The following CD160 variants were observed in gnomAD, a reference collection of about 807,000 sequenced individuals.
CD160 encodes the protein CD160 antigen.
In CD160, 11 loss-of-function variants were observed where a neutral mutation model predicts 19.2. The observed-to-expected ratio is 0.57, with a 90% CI of 0.36 to 0.95. The LOEUF (loss-of-function observed/expected upper bound fraction) is 0.95, where lower values mean the gene tolerates loss of function less well. CD160 is among the 40% of genes least tolerant of loss of function. CD160 has a pLI of 0.01. For missense variants in CD160, 182 were observed against 213.2 expected, an observed-to-expected ratio of 0.85 and a Z score of 0.91; for synonymous variants, 75 against 81.1, an observed-to-expected ratio of 0.93 and a Z score of 0.40.
chr1:145,726,583 G>T lies in CD160; in HGVS notation c.-72-1673G>T, dbSNP rs587649746. Among the ~76,000 whole-genome samples, 4 of 152,260 alleles carry T rather than the reference G, an allele frequency of 2.6e-5. No homozygotes were observed. The South Asian group carries it at 8.3e-4, about 32-fold the overall frequency. Reference sequence around the variant, plus strand: ...ACATCACACACCGATGACGTTCCACGGGTGGGGGCCCGGGGGAGGGATAGC... The same window carrying T: ...ACATCACACACCGATGACGTTCCACTGGTGGGGGCCCGGGGGAGGGATAGC... On this transcript the variant is annotated intron_variant, in intron 2 of 5. Transcript: ENST00000369288.
chr1:145,721,461 C>T (rs1553707785), intron 1 of CD160, among the ~76,000 whole-genome samples: 1 of 152,182 alleles, frequency 6.6e-6, no homozygotes, highest in East Asian at 1.9e-4. Context: ...CGCTGCCCCC[C>T]AGCGCTGGTG....
chr1:145,727,553 T>C (rs1016218894), intron 2 of CD160, among the ~76,000 whole-genome samples: 5 of 152,106 alleles, frequency 3.3e-5, no homozygotes, highest in Admixed American at 6.5e-5. Context: ...AAGATAGATA[T>C]GTTGTATTTA....
At chr1:145,723,549 C>T (rs1656932036) in intron 1 of CD160, among the ~76,000 whole-genome samples, 1 of 152,100 alleles carries the variant, frequency 6.6e-6, no homozygotes, top group Non-Finnish European at 1.5e-5. Context: ...ATTTATTCAA[C>T]CATTCTCACC....
chr1:145,722,350 TAC>T (rs1404692984), intron 1 of CD160, among the ~76,000 whole-genome samples: 2 of 152,254 alleles, frequency 1.3e-5, no homozygotes, highest in African/African-American at 4.8e-5. Flanking sequence ...TGCCCAATAT[TAC>T]ACAGATAGTT....
chr1:145,729,407 G>A (rs80035484), intron 3 of CD160, among the ~76,000 whole-genome samples: 3,915 of 152,296 alleles, frequency 0.026, 186 homozygotes, highest in African/African-American at 0.089. Flanking sequence ...AGCATCTGCC[G>A]GATGAGTTTT....
rs587649355 is a variant in CD160, at chr1:145,732,770, G to A, written c.400+1700G>A. 1.4e-4 allele frequency among the ~76,000 whole-genome samples: 22 copies of A among 152,216 alleles called. No individual in the cohort carries two copies. In the South Asian group the frequency reaches 3.7e-3, roughly 26 times the overall value. On this transcript the variant is annotated intron_variant, in intron 4 of 5. Coordinates refer to ENST00000369288, the MANE Select transcript of CD160 (RefSeq NM_007053.4). ...GAAACATAGCGCACAACTTGATTTTGCAAAAAATAACACAGAATCCAAATT... is the reference window on the plus strand; with the variant it reads ...GAAACATAGCGCACAACTTGATTTTACAAAAAATAACACAGAATCCAAATT...
rs782478655 is a variant in CD160 at position 145,737,375 on chromosome 1, TCAC to T, written c.539-1106_539-1104del. On this transcript the variant is annotated intron_variant, in intron 5 of 5. Transcript: ENST00000369288. The stretch of plus-strand genomic sequence containing the variant: ...ATATGCAAAGCACCTCTTACATCCT[TCAC>T]CACCCCATTCATTCTGAGATTGACT... 5.3e-5 allele frequency: 8 copies of T among 152,334 alleles called. No homozygotes were observed. In the Middle Eastern group the frequency reaches 0.01, roughly 194 times the overall value. 9.4% of individuals were successfully genotyped at this position (152,334 alleles called of 1,614,324 possible). A position where few individuals can be genotyped will look rare whatever the true frequency, so the allele number is the denominator to read the frequency against.
At chr1:145,727,651 C>G (rs912970491) in intron 2 of CD160, among the ~76,000 whole-genome samples, 1 of 151,848 alleles carries the variant, frequency 6.6e-6, no homozygotes, top group African/African-American at 2.4e-5. Context: ...AAAGTATTTG[C>G]CTAAAAAAAT....
rs782132161 is a variant in CD160 at position 145,728,396 on chromosome 1, T to A, written c.69T>A (p.Ser23=). The A allele has an allele frequency of 8.7e-6, 14 of 1,609,490 alleles. No individual in the cohort carries two copies. The highest frequency in any genetic ancestry group is 1.7e-5 in the Admixed American group (1 of 59,956). Residue 23 remains serine, a synonymous_variant, in exon 3 of 6, where the codon TCT becomes TCA. Coordinates refer to ENST00000369288, the MANE Select transcript of CD160 (RefSeq NM_007053.4). ...TGCTGGCAATTGTGGACATCCAGTC[T>A]GGTGGTGAGGATAGACCCTAGAGCA... ...AILLAIVDIQ[S]GGCINITSSA...
intron 3 of CD160, 101 bp downstream of exon 3, chr1:145,728,501 CTTTTTTTT>C (rs59357123): frequency 3.6e-4 from 105 of 293,824 alleles, no homozygotes; most frequent in African/African-American, 6.4e-4. Context: ...ACAAAGGACT[CTTTTTTTT>C]TTTTTTTTTT....
At chr1:145,723,131 C>A (rs1429947849) in intron 1 of CD160, among the ~76,000 whole-genome samples, 1 of 152,066 alleles carries the variant, frequency 6.6e-6, no homozygotes, top group Non-Finnish European at 1.5e-5. Context: ...GGAGAAGGAA[C>A]AAGGAGAGGT....
chr1:145,724,790 T>C lies in CD160; in HGVS notation c.-178-11T>C, dbSNP rs1309904378. On this transcript the variant is annotated splice_polypyrimidine_tract_variant and intron_variant, in intron 1 of 5. Coordinates refer to ENST00000369288, the MANE Select transcript of CD160 (RefSeq NM_007053.4). ...TGTGTGTAATTTTTGATTTTGGTTTTCTTGAGACAGGGTCTCACTGTCAAC... is the reference window on the plus strand; with the variant it reads ...TGTGTGTAATTTTTGATTTTGGTTTCCTTGAGACAGGGTCTCACTGTCAAC... 3 of 152,138 alleles carry C rather than the reference T, an allele frequency of 2.0e-5. No individual in the cohort carries two copies. Among genetic ancestry groups the C allele is most frequent in the African/African-American group, 2.4e-5 (1 of 41,418 alleles). The allele number at this position is 152,138 out of a possible 1,614,324, so 9.4% of individuals were successfully genotyped here.
At chr1:145,728,501 CTTTTTTTTT>C in intron 3 of CD160, 101 bp downstream of exon 3, 4 of 292,982 alleles carry the variant, frequency 1.4e-5, no homozygotes, top group East Asian at 6.4e-5. Context: ...ACAAAGGACT[CTTTTTTTTT>C]TTTTTTTTTT....
intron 4 of CD160, among the ~76,000 whole-genome samples, chr1:145,735,055 C>T (rs1020518456): frequency 1.3e-5 from 2 of 151,734 alleles, no homozygotes; most frequent in African/African-American, 2.4e-5. Context: ...TGCAGTGAGC[C>T]GAGATTGCGC....
chr1:145,729,455 C>A (rs924484355), intron 3 of CD160, among the ~76,000 whole-genome samples: 1 of 152,062 alleles, frequency 6.6e-6, no homozygotes, highest in African/African-American at 2.4e-5. Flanking sequence ...TGGGGTTTTG[C>A]GAGGATCCAT....
intron 4 of CD160, among the ~76,000 whole-genome samples, chr1:145,732,782 A>C (rs1171163967): frequency 6.6e-6 from 1 of 152,230 alleles, no homozygotes; most frequent in Admixed American, 6.5e-5. Flanking sequence ...AAAAAATAAC[A>C]CAGAATCCAA....
chr1:145,730,982 G>A lies in CD160; in HGVS notation c.312G>A (p.Pro104=), dbSNP rs782570015. 41 of 1,614,024 alleles carry A rather than the reference G, an allele frequency of 2.5e-5. No individual in the cohort carries two copies. In the South Asian group the frequency reaches 3.1e-4, roughly 12 times the overall value. ...TGTTCACCATAAGCCAAGTCACACC[G>A]TTGCACAGTGGGACCTACCAGTGTT... The part of the protein sequence containing the change: ...QLMFTISQVT[P]LHSGTYQCCA... Residue 104 remains proline, a synonymous_variant, in exon 4 of 6, where the codon CCG becomes CCA. Coordinates refer to ENST00000369288, the MANE Select transcript of CD160 (RefSeq NM_007053.4).
chr1:145,734,031 G>A (rs782402543), intron 4 of CD160, among the ~76,000 whole-genome samples: 13 of 152,090 alleles, frequency 8.5e-5, no homozygotes, highest in South Asian at 2.1e-4. Context: ...TGTTCATGAC[G>A]GAGTCAACTT....
chr1:145,722,059 C>T (rs1195378952), intron 1 of CD160, among the ~76,000 whole-genome samples: 1 of 152,160 alleles, frequency 6.6e-6, no homozygotes, highest in Non-Finnish European at 1.5e-5. Flanking sequence ...CCCTCCAAGC[C>T]TCTATATGCT....
Sources: allele counts gnomAD v4.1 joint callset (sites outside exome capture counted in the v4.1 genomes callset), GRCh38; gene constraint gnomAD v4.1.1; transcripts MANE v1.5; gene names NCBI Gene and HGNC (gene_info 2026-07-23, HGNC 2026-07-21).